Variants in FNDC3B observed in about 807,000 individuals in gnomAD.
FNDC3B encodes fibronectin type III domain-containing protein 3B.
In FNDC3B, 12 loss-of-function variants were observed where a neutral mutation model predicts 151.5. That is an observed-to-expected ratio of 0.08 (90% CI 0.05 to 0.13). FNDC3B has a LOEUF of 0.13. Among genes scored for constraint, FNDC3B ranks in the 10% least tolerant of loss-of-function variants. The pLI is 1.00. For missense variants in FNDC3B, 1,214 were observed against 1,505.3 expected (o/e 0.81, Z 3.20); for synonymous variants, 528 against 549.0 (o/e 0.96, Z 0.54).
At chr3:172,299,345 T>C (rs1488824561) in intron 9 of FNDC3B, among the ~76,000 whole-genome samples, 1 of 152,188 alleles carries the variant, frequency 6.6e-6, no homozygotes, top group Non-Finnish European at 1.5e-5. Flanking sequence ...TTTTCTGGAA[T>C]CTCTACTGTG....
chr3:172,268,513 C>T (rs1407027821), intron 6 of FNDC3B, among the ~76,000 whole-genome samples: 1 of 152,170 alleles, frequency 6.6e-6, no homozygotes, highest in Non-Finnish European at 1.5e-5. Context: ...TAATATGTGA[C>T]AGAGAACGGC....
At chr3:172,126,466 A>T (rs952788697) in intron 2 of FNDC3B, among the ~76,000 whole-genome samples, 1 of 152,238 alleles carries the variant, frequency 6.6e-6, no homozygotes, top group Non-Finnish European at 1.5e-5. Context: ...GCTTTCCAAC[A>T]GTTGCTTAAC....
chr3:172,086,675 G>A (rs1438390610), intron 1 of FNDC3B, among the ~76,000 whole-genome samples: 2 of 152,174 alleles, frequency 1.3e-5, no homozygotes, highest in East Asian at 3.8e-4. Flanking sequence ...CTCATTAGGA[G>A]AATTGAAAAG....
intron 3 of FNDC3B, among the ~76,000 whole-genome samples, chr3:172,195,608 G>T (rs1479179908): frequency 1.3e-5 from 2 of 152,166 alleles, no homozygotes; most frequent in Non-Finnish European, 2.9e-5. Context: ...ATGCCTGGAG[G>T]TGCTTGTTTT....
At chr3:172,165,557 G>T (rs1029725924) in intron 3 of FNDC3B, among the ~76,000 whole-genome samples, 6 of 152,080 alleles carry the variant, frequency 3.9e-5, no homozygotes, top group African/African-American at 1.4e-4. Flanking sequence ...TTTAATAATT[G>T]CAATATCTTA....
chr3:172,263,029 G>T (rs568198041), intron 6 of FNDC3B, among the ~76,000 whole-genome samples: 2 of 148,866 alleles, frequency 1.3e-5, no homozygotes, highest in Admixed American at 1.3e-4. Context: ...CTTATTTCAA[G>T]TCCTCTTAAA....
chr3:172,173,011 G>A (rs538302398), intron 3 of FNDC3B, among the ~76,000 whole-genome samples: 2 of 152,224 alleles, frequency 1.3e-5, no homozygotes, highest in East Asian at 1.9e-4. Flanking sequence ...CACTGAAATG[G>A]TTCTTTAGTG....
chr3:172,249,025 G>A (rs1002929773), intron 5 of FNDC3B, among the ~76,000 whole-genome samples: 3 of 150,842 alleles, frequency 2.0e-5, no homozygotes, highest in South Asian at 2.1e-4. Flanking sequence ...TTTTCCATGC[G>A]ACACACCAAG....
At chr3:172,315,042 A>T (rs1731709198) in intron 11 of FNDC3B, among the ~76,000 whole-genome samples, 1 of 152,246 alleles carries the variant, frequency 6.6e-6, no homozygotes, top group Non-Finnish European at 1.5e-5. Context: ...AAATCAATAC[A>T]AGAAGTTACT....
rs113755830 is a variant in FNDC3B, at chr3:172,153,596, A to T, written c.187+20050A>T. Among the ~76,000 whole-genome samples, 1,217 of 152,348 alleles carry T rather than the reference A, an allele frequency of 8.0e-3. 15 individuals carry two copies. Among genetic ancestry groups the T allele is most frequent in the African/African-American group, 0.027 (1,125 of 41,588 alleles). On this transcript the variant is annotated intron_variant, in intron 3 of 25. Transcript: ENST00000415807. ...AACAAATTCAGAGGGGAAAGCGCCTAACTATTCAGGTTTCCTGGTAGATAT... is the reference window on the plus strand; with the variant it reads ...AACAAATTCAGAGGGGAAAGCGCCTTACTATTCAGGTTTCCTGGTAGATAT...
intron 1 of FNDC3B, among the ~76,000 whole-genome samples, chr3:172,051,270 A>G (rs1421441421): frequency 1.4e-5 from 2 of 146,794 alleles, no homozygotes; most frequent in Non-Finnish European, 3.0e-5. Context: ...TTTTTTTTTT[A>G]GTAGAGATGG....
At chr3:172,239,637 C>T (rs1727366813) in intron 4 of FNDC3B, among the ~76,000 whole-genome samples, 1 of 151,986 alleles carries the variant, frequency 6.6e-6, no homozygotes, top group South Asian at 2.1e-4. Context: ...TCCTGCCTTT[C>T]AAGCTTCTCT....
At chr3:172,147,741 G>T (rs951485948) in intron 3 of FNDC3B, among the ~76,000 whole-genome samples, 1 of 152,082 alleles carries the variant, frequency 6.6e-6, no homozygotes, top group Non-Finnish European at 1.5e-5. Flanking sequence ...TGATGTTCTT[G>T]GTTCAGGAGT....
At chr3:172,350,401 A>G (rs1010908338) in intron 21 of FNDC3B, among the ~76,000 whole-genome samples, 11 of 152,224 alleles carry the variant, frequency 7.2e-5, no homozygotes, top group African/African-American at 2.7e-4. Flanking sequence ...ATGGTGATAC[A>G]AAGCCCTAGT....
intron 1 of FNDC3B, among the ~76,000 whole-genome samples, chr3:172,044,671 G>A (rs1716277805): frequency 1.3e-5 from 2 of 152,096 alleles, no homozygotes; most frequent in South Asian, 4.1e-4. Context: ...TATTTTCAAG[G>A]ATAAGATACC....
intron 1 of FNDC3B, among the ~76,000 whole-genome samples, chr3:172,092,917 C>T (rs929883050): frequency 3.3e-5 from 5 of 152,064 alleles, no homozygotes; most frequent in African/African-American, 9.7e-5. Context: ...GTGATTCTCC[C>T]ACCTCAGTCT....
chr3:172,302,820 A>G (rs1226158372), intron 9 of FNDC3B: 1 of 151,984 alleles, frequency 6.6e-6, no homozygotes, highest in African/African-American at 2.4e-5. Flanking sequence ...GTATAAAGCC[A>G]CTAATAAAAA....
chr3:172,220,933 A>T (rs115584540), intron 3 of FNDC3B, among the ~76,000 whole-genome samples: 101,729 of 151,938 alleles, frequency 0.67, 34,443 homozygotes, highest in Non-Finnish European at 0.73. Flanking sequence ...CTATTAAAAA[A>T]AAATAAATAA....
intron 4 of FNDC3B, among the ~76,000 whole-genome samples, chr3:172,240,821 G>T (rs538566234): frequency 1.3e-5 from 2 of 152,238 alleles, no homozygotes; most frequent in South Asian, 4.1e-4. Flanking sequence ...CCTCCATCTT[G>T]CTGTTATCCC....
Sources: gnomAD v4.1 joint callset for allele counts (sites outside exome capture counted in the v4.1 genomes callset) on GRCh38, gnomAD v4.1.1 for gene constraint, MANE v1.5 for transcripts, NCBI Gene and HGNC (gene_info 2026-07-23, HGNC 2026-07-21) for gene names.